ADGRL2: variants seen among roughly 807,000 people sequenced by gnomAD.
ADGRL2 encodes the protein calcium-independent alpha-latrotoxin receptor 2.
A neutral mutation model predicts 157.4 loss-of-function variants in ADGRL2; 44 were observed. The observed-to-expected ratio is 0.28, with a 90% CI of 0.22 to 0.36. The LOEUF is 0.36. Ranked by LOEUF, ADGRL2 falls within the 10% of genes least tolerant of loss-of-function variation. ADGRL2 has a pLI of 1.00. For missense variants in ADGRL2, 1,510 were observed against 1,768.9 expected, an observed-to-expected ratio of 0.85 and a Z score of 2.63; for synonymous variants, 585 against 624.7, an observed-to-expected ratio of 0.94 and a Z score of 0.95.
At chr1:81,595,153 A>G (rs1287833784) in intron 3 of ADGRL2, among the ~76,000 whole-genome samples, 1 of 152,174 alleles carries the variant, frequency 6.6e-6, no homozygotes, top group Non-Finnish European at 1.5e-5. Context: ...GCTAAGTATT[A>G]TAGGAGTGAA....
chr1:81,327,384 G>A (rs1196111924), intron 1 of ADGRL2, among the ~76,000 whole-genome samples: 1 of 152,138 alleles, frequency 6.6e-6, no homozygotes, highest in African/African-American at 2.4e-5. Context: ...TATCTGAACA[G>A]GTCTGCCCTA....
rs117971707 is a variant in ADGRL2 at position 81,353,874 on chromosome 1, C to T, written c.-302+47365C>T. On this transcript the variant is annotated intron_variant, in intron 1 of 24. Transcript: ENST00000370721. ...CGAGCTAAAGGTAAGTGAAATCATGCGAAAGGGCGACAGCGTCCCAGGTAA... is the reference window on the plus strand; with the variant it reads ...CGAGCTAAAGGTAAGTGAAATCATGTGAAAGGGCGACAGCGTCCCAGGTAA... Among the ~76,000 whole-genome samples the T allele has an allele frequency of 8.5e-5, 13 of 152,204 alleles. 1 individual carries two copies. The East Asian group carries it at 2.1e-3, about 25-fold the overall frequency.
At chr1:81,976,492 C>T (rs943078087) in intron 17 of ADGRL2, among the ~76,000 whole-genome samples, 1 of 151,902 alleles carries the variant, frequency 6.6e-6, no homozygotes, top group Non-Finnish European at 1.5e-5. Flanking sequence ...GTAATTTGAG[C>T]GCAAAGATCC....
intron 2 of ADGRL2, among the ~76,000 whole-genome samples, chr1:81,518,197 G>A (rs1197920297): frequency 2.6e-5 from 4 of 152,244 alleles, no homozygotes; most frequent in Admixed American, 1.3e-4. Flanking sequence ...CTGCAGACAG[G>A]CAGTAGAGGC....
chr1:81,488,161 G>A (rs1383426187), intron 2 of ADGRL2, among the ~76,000 whole-genome samples: 1 of 151,768 alleles, frequency 6.6e-6, no homozygotes, highest in Non-Finnish European at 1.5e-5. Flanking sequence ...TAAAGGCTAG[G>A]ACTTTCAAAA....
chr1:81,552,818 C>T (rs532788750), intron 2 of ADGRL2, among the ~76,000 whole-genome samples: 1 of 152,118 alleles, frequency 6.6e-6, no homozygotes, highest in Non-Finnish European at 1.5e-5. Context: ...GTATTGATTA[C>T]TCTGTCGGTG....
At chr1:81,664,320 C>A (rs2082713910) in intron 3 of ADGRL2, among the ~76,000 whole-genome samples, 1 of 152,054 alleles carries the variant, frequency 6.6e-6, no homozygotes, top group African/African-American at 2.4e-5. Flanking sequence ...TTTCCACCTT[C>A]TCATAATTCA....
intron 3 of ADGRL2, among the ~76,000 whole-genome samples, chr1:81,909,482 A>G: frequency 6.6e-6 from 1 of 152,316 alleles, no homozygotes; most frequent in Non-Finnish European, 1.5e-5. Context: ...AATTATAGGT[A>G]AAATATCTTT....
chr1:81,970,281 T>C, intron 15 of ADGRL2, 33 bp from the exon 16 acceptor site: 1 of 1,461,702 alleles, frequency 6.8e-7, no homozygotes, highest in Non-Finnish European at 9.6e-7. Context: ...TTCATGAGTT[T>C]TCTTTTGTGT....
intron 1 of ADGRL2, among the ~76,000 whole-genome samples, chr1:81,385,553 T>C (rs550207061): frequency 1.3e-5 from 2 of 152,022 alleles, no homozygotes; most frequent in Non-Finnish European, 2.9e-5. Flanking sequence ...ATAGAAATAT[T>C]TCCTAATACA....
chr1:81,736,371 A>T (rs898290925), intron 1 of ADGRL2, among the ~76,000 whole-genome samples: 1 of 152,184 alleles, frequency 6.6e-6, no homozygotes, highest in Non-Finnish European at 1.5e-5. Flanking sequence ...TTGATATTGT[A>T]GGGAATCCCT....
chr1:81,410,253 T>A (rs576090606), intron 1 of ADGRL2, among the ~76,000 whole-genome samples: 2 of 152,332 alleles, frequency 1.3e-5, no homozygotes, highest in East Asian at 3.9e-4. Flanking sequence ...CTATCTACCT[T>A]TAAAAAGTAA....
chr1:81,794,207 T>A (rs1238517257), intron 2 of ADGRL2, among the ~76,000 whole-genome samples: 1 of 152,168 alleles, frequency 6.6e-6, no homozygotes, highest in Admixed American at 6.5e-5. Flanking sequence ...CAATTAAAAA[T>A]ATATAGTTTG....
chr1:81,596,122 C>A, intron 3 of ADGRL2: 3 of 383,238 alleles, frequency 7.8e-6, no homozygotes, highest in Non-Finnish European at 1.5e-5. Context: ...TTTTTAACAA[C>A]TGGTAATCAA....
At chr1:81,482,151 C>T (rs2078402304) in intron 2 of ADGRL2, among the ~76,000 whole-genome samples, 1 of 152,220 alleles carries the variant, frequency 6.6e-6, no homozygotes, top group Admixed American at 6.5e-5. Flanking sequence ...GAATTTAGCA[C>T]TGCTATGATT....
intron 1 of ADGRL2, among the ~76,000 whole-genome samples, chr1:81,351,750 A>G (rs1470870506): frequency 1.3e-5 from 2 of 152,228 alleles, no homozygotes; most frequent in Non-Finnish European, 2.9e-5. Flanking sequence ...TTTTCTGTCA[A>G]AAAAGCATTC....
intron 2 of ADGRL2, among the ~76,000 whole-genome samples, chr1:81,450,350 T>C (rs2077680663): frequency 6.6e-6 from 1 of 152,224 alleles, no homozygotes; most frequent in African/African-American, 2.4e-5. Context: ...GAGTTTATTG[T>C]GTACCTGCCA....
At chr1:81,906,422 C>T (rs957267760) in intron 2 of ADGRL2, among the ~76,000 whole-genome samples, 1 of 152,138 alleles carries the variant, frequency 6.6e-6, no homozygotes, top group Non-Finnish European at 1.5e-5. Flanking sequence ...GTGCTAGCTC[C>T]TTTGAATGTC....
chr1:81,562,583 T>C lies in ADGRL2; in HGVS notation c.-247-18293T>C, dbSNP rs144146323. On this transcript the variant is annotated intron_variant, in intron 2 of 24. Transcript: ENST00000370721. ...TATAGCCTCAGCTGGAAAATATCAATTACACAGTCTTTGTTTCTTTGCAAC... is the reference window on the plus strand; with the variant it reads ...TATAGCCTCAGCTGGAAAATATCAACTACACAGTCTTTGTTTCTTTGCAAC... Among the ~76,000 whole-genome samples, 22 of 152,282 alleles carry C rather than the reference T, an allele frequency of 1.4e-4. No individual in the cohort carries two copies. In the East Asian group the frequency reaches 4.2e-3, roughly 29 times the overall value.
Sources: gnomAD v4.1 joint callset for allele counts (sites outside exome capture counted in the v4.1 genomes callset) on GRCh38, gnomAD v4.1.1 for gene constraint, MANE v1.5 for transcripts, NCBI Gene and HGNC (gene_info 2026-07-23, HGNC 2026-07-21) for gene names.